The following GALNT7 variants were observed in gnomAD, a reference collection of about 807,000 sequenced individuals.
GALNT7 encodes N-acetylgalactosaminyltransferase 7.
Under a neutral mutation model 82.1 loss-of-function variants are expected in GALNT7, and 60 were observed. The observed-to-expected ratio is 0.73, with a 90% CI of 0.59 to 0.91. The LOEUF (loss-of-function observed/expected upper bound fraction) is 0.91. GALNT7 is among the 40% of genes least tolerant of loss of function. GALNT7 has a pLI of 0.00. For synonymous variants in GALNT7, 243 were observed against 275.1 expected, an observed-to-expected ratio of 0.88 and a Z score of 1.15; for missense variants, 660 against 804.2, an observed-to-expected ratio of 0.82 and a Z score of 2.17.
chr4:173,252,602 GGTGA>G (rs1273443606), intron 2 of GALNT7, among the ~76,000 whole-genome samples: 1 of 152,142 alleles, frequency 6.6e-6, no homozygotes, highest in East Asian at 1.9e-4. Flanking sequence ...GTGTTAAAAG[GGTGA>G]GTAACAGTAT....
intron 1 of GALNT7, among the ~76,000 whole-genome samples, chr4:173,197,400 A>G (rs1732811492): frequency 6.6e-6 from 1 of 152,236 alleles, no homozygotes; most frequent in South Asian, 2.1e-4. Context: ...TACACCCTAG[A>G]GTGGACTTTT....
chr4:173,278,205 G>C (rs1023164558), intron 2 of GALNT7, among the ~76,000 whole-genome samples: 2 of 152,214 alleles, frequency 1.3e-5, no homozygotes, highest in Non-Finnish European at 2.9e-5. Context: ...CCTAAAAGAA[G>C]ACATGTGTTT....
intron 1 of GALNT7, among the ~76,000 whole-genome samples, chr4:173,203,127 G>A (rs974261288): frequency 2.0e-5 from 3 of 150,716 alleles, no homozygotes; most frequent in South Asian, 2.1e-4. Context: ...ACGGAGTCTC[G>A]CTCTGTCACC....
At chr4:173,233,344 T>G (rs1262693356) in intron 1 of GALNT7, among the ~76,000 whole-genome samples, 1 of 152,230 alleles carries the variant, frequency 6.6e-6, no homozygotes, top group Non-Finnish European at 1.5e-5. Context: ...GTAACTTACA[T>G]TCTCACCAAC....
chr4:173,284,489 T>C (rs575111625), intron 2 of GALNT7, among the ~76,000 whole-genome samples: 1 of 152,356 alleles, frequency 6.6e-6, no homozygotes, highest in African/African-American at 2.4e-5. Context: ...AGACCTCATT[T>C]TGGCAATCCC....
intron 1 of GALNT7, among the ~76,000 whole-genome samples, chr4:173,197,695 C>A (rs925546844): frequency 6.6e-6 from 1 of 152,202 alleles, no homozygotes; most frequent in African/African-American, 2.4e-5. Context: ...CTAACTTGAG[C>A]AGCCACATCT....
At chr4:173,184,702 A>G (rs1732412719) in intron 1 of GALNT7, among the ~76,000 whole-genome samples, 1 of 152,022 alleles carries the variant, frequency 6.6e-6, no homozygotes, top group Admixed American at 6.6e-5. Flanking sequence ...TGAAAATCAA[A>G]TCAAATTTAA....
chr4:173,188,121 G>A (rs934699269), intron 1 of GALNT7, among the ~76,000 whole-genome samples: 24 of 152,172 alleles, frequency 1.6e-4, no homozygotes, highest in Non-Finnish European at 1.3e-4. Context: ...TGAAAATTGA[G>A]CATCAAATAC....
At chr4:173,229,698 G>A (rs1440437617) in intron 1 of GALNT7, among the ~76,000 whole-genome samples, 1 of 152,176 alleles carries the variant, frequency 6.6e-6, no homozygotes, top group Non-Finnish European at 1.5e-5. Flanking sequence ...GGAATTAAAA[G>A]AGATACGTAT....
chr4:173,193,603 G>C (rs1316055625), intron 1 of GALNT7, among the ~76,000 whole-genome samples: 3 of 151,554 alleles, frequency 2.0e-5, no homozygotes, highest in Non-Finnish European at 4.4e-5. Flanking sequence ...GATCTTTTTT[G>C]ACAATAAAAT....
At chr4:173,203,570 T>A (rs1188173802) in intron 1 of GALNT7, among the ~76,000 whole-genome samples, 1 of 152,212 alleles carries the variant, frequency 6.6e-6, no homozygotes, top group Non-Finnish European at 1.5e-5. Flanking sequence ...TTTTTATGAT[T>A]AGGTGATTTT....
intron 2 of GALNT7, among the ~76,000 whole-genome samples, chr4:173,282,673 T>G (rs2126810623): frequency 6.6e-6 from 1 of 152,306 alleles, no homozygotes; most frequent in Non-Finnish European, 1.5e-5. Context: ...GCGTTTAATG[T>G]GTGGTTCCAT....
chr4:173,248,170 A>G lies in GALNT7; in HGVS notation c.317A>G (p.Asp106Gly). Residue 106 changes from aspartate to glycine, a missense_variant, in exon 2 of 12, where the codon GAT (aspartate) becomes GGT (glycine). Transcript: ENST00000265000. Reference protein sequence around the residue: ...EHHAGGDSQKDIMQRQYLTFK... With the variant: ...EHHAGGDSQKGIMQRQYLTFK... ...CATGCTGGAGGAGATTCCCAGAAAG[A>G]TATCATGCAGAGGCAGTATCTCACA... The G allele has an allele frequency of 1.9e-6, 3 of 1,613,902 alleles. No individual in the cohort carries two copies. Among genetic ancestry groups the G allele is most frequent in the Non-Finnish European group, 2.5e-6 (3 of 1,179,868 alleles).
chr4:173,199,997 A>T (rs1206026564), intron 1 of GALNT7, among the ~76,000 whole-genome samples: 2 of 152,230 alleles, frequency 1.3e-5, no homozygotes, highest in African/African-American at 4.8e-5. Flanking sequence ...AATTCTTAGA[A>T]AATTGGCAAT....
rs549166371 is a variant in GALNT7 at position 173,224,884 on chromosome 4, G to A, written c.127-23096G>A. ...AAAAAAATTAGCCAGGCGTGGTGGC[G>A]CGCGCCTGTAGTCCCAGCTACTCGG... On this transcript the variant is annotated intron_variant, in intron 1 of 11. Coordinates refer to ENST00000265000, the MANE Select transcript of GALNT7 (RefSeq NM_017423.3). Among the ~76,000 whole-genome samples, 1,010 of 151,716 alleles carry A rather than the reference G, an allele frequency of 6.7e-3. 16 individuals are homozygous for A. Among genetic ancestry groups the A allele is most frequent in the African/African-American group, 0.022 (930 of 41,426 alleles).
At chr4:173,195,304 A>C (rs11731971) in intron 1 of GALNT7, among the ~76,000 whole-genome samples, 17,380 of 152,230 alleles carry the variant, frequency 0.11, 1,151 homozygotes, top group Middle Eastern at 0.17. Context: ...CAGGAAGAAC[A>C]GTCTTCCAAA....
At chr4:173,186,108 C>T (rs1198522525) in intron 1 of GALNT7, among the ~76,000 whole-genome samples, 1 of 152,086 alleles carries the variant, frequency 6.6e-6, no homozygotes, top group African/African-American at 2.4e-5. Context: ...AATCATTTGT[C>T]ATGGGGTTGG....
At chr4:173,172,997 C>T (rs1421032243) in intron 1 of GALNT7, among the ~76,000 whole-genome samples, 2 of 151,992 alleles carry the variant, frequency 1.3e-5, no homozygotes, top group African/African-American at 4.8e-5. Flanking sequence ...AGCAGGAGTC[C>T]TGGTGGGGGT....
chr4:173,278,982 C>T (rs73001537), intron 2 of GALNT7, among the ~76,000 whole-genome samples: 6,602 of 152,256 alleles, frequency 0.043, 421 homozygotes, highest in African/African-American at 0.14. Flanking sequence ...TACTTTGTGT[C>T]ATTCCAACCA....
Sources: gnomAD v4.1 joint callset for allele counts (sites outside exome capture counted in the v4.1 genomes callset) on GRCh38, gnomAD v4.1.1 for gene constraint, MANE v1.5 for transcripts, NCBI Gene and HGNC (gene_info 2026-07-23, HGNC 2026-07-21) for gene names.